The following CDH20 variants were observed in gnomAD, a reference collection of about 807,000 sequenced individuals.
The protein encoded by CDH20 is cadherin-20.
A neutral mutation model predicts 74.2 loss-of-function variants in CDH20; 29 were observed. The ratio of observed to expected loss-of-function variants is 0.39; its 90% CI spans 0.29 to 0.53. The LOEUF is 0.53. Among genes scored for constraint, CDH20 ranks in the 20% least tolerant of loss-of-function variants. The probability of loss-of-function intolerance (pLI) is 0.69; values close to 1 mark genes in which losing one functional copy is unlikely to be tolerated. For synonymous variants in CDH20, 469 were observed against 405.4 expected (o/e 1.16, Z -1.88); for missense variants, 988 against 1,048.3 (o/e 0.94, Z 0.79).
intron 1 of CDH20, among the ~76,000 whole-genome samples, chr18:61,460,645 C>T (rs1036486165): frequency 2.0e-5 from 3 of 152,160 alleles, no homozygotes; most frequent in African/African-American, 4.8e-5. Flanking sequence ...GGTAGCACCA[C>T]CATCTTTCCC....
chr18:61,396,367 T>C (rs1911977643), intron 1 of CDH20, among the ~76,000 whole-genome samples: 1 of 152,182 alleles, frequency 6.6e-6, no homozygotes, highest in Non-Finnish European at 1.5e-5. Flanking sequence ...AAATTAACAA[T>C]TTTTTAAAAC....
chr18:61,361,208 G>A (rs1349191631), intron 1 of CDH20, among the ~76,000 whole-genome samples: 1 of 152,166 alleles, frequency 6.6e-6, no homozygotes, highest in Admixed American at 6.5e-5. Context: ...CTGCGTGGTG[G>A]TAACAGAGCT....
intron 1 of CDH20, among the ~76,000 whole-genome samples, chr18:61,406,935 A>G (rs1912349329): frequency 6.6e-6 from 1 of 152,246 alleles, no homozygotes; most frequent in Non-Finnish European, 1.5e-5. Context: ...GCATTGAATA[A>G]GAATATGATA....
chr18:61,488,671 G>GT (rs1910852354), intron 1 of CDH20, among the ~76,000 whole-genome samples: 1 of 151,936 alleles, frequency 6.6e-6, no homozygotes, highest in Non-Finnish European at 1.5e-5. Flanking sequence ...ACAGAATATT[G>GT]CTTTTATGGT....
At chr18:61,482,847 T>C (rs1299213534) in intron 1 of CDH20, among the ~76,000 whole-genome samples, 1 of 152,158 alleles carries the variant, frequency 6.6e-6, no homozygotes, top group Non-Finnish European at 1.5e-5. Context: ...CTATGAACTA[T>C]GGAGTATATT....
At chr18:61,410,571 T>C (rs1279997908) in intron 1 of CDH20, among the ~76,000 whole-genome samples, 2 of 152,170 alleles carry the variant, frequency 1.3e-5, no homozygotes, top group African/African-American at 4.8e-5. Flanking sequence ...AAGGCTATAA[T>C]AATTAAAAGA....
chr18:61,500,434 G>A lies in CDH20; in HGVS notation c.593G>A (p.Gly198Asp). The A allele has an allele frequency of 6.2e-7, 1 of 1,613,072 alleles. No individual in the cohort carries two copies. The highest frequency in any genetic ancestry group is 1.1e-5 in the South Asian group (1 of 90,900). ...ACAGATGCAGATGACCCGACCTACGGCAACAGTGCCAGGGTGGTGTACAGC... is the reference window on the plus strand; with the variant it reads ...ACAGATGCAGATGACCCGACCTACGACAACAGTGCCAGGGTGGTGTACAGC... ...TATDADDPTY[G>D]NSARVVYSIL... The change falls in exon 4 of 12, where the codon GGC becomes GAC. Residue 198 changes from glycine (G) to aspartate (D), a missense_variant. This residue lies in a region of CDH20 where 613 missense variants were observed against 755.2 expected (regional missense o/e 0.81). Transcript: ENST00000262717.
At chr18:61,351,447 A>G (rs1329459767) in intron 1 of CDH20, among the ~76,000 whole-genome samples, 6 of 152,308 alleles carry the variant, frequency 3.9e-5, no homozygotes, top group Admixed American at 3.3e-4. Flanking sequence ...AGGTTCACTC[A>G]TTTGAAAAGT....
chr18:61,502,081 T>A (rs1911403983), intron 4 of CDH20, among the ~76,000 whole-genome samples: 1 of 152,174 alleles, frequency 6.6e-6, no homozygotes, highest in Admixed American at 6.5e-5. Context: ...ATGCAAAAGG[T>A]CTATCTAGCC....
chr18:61,338,873 A>G (rs1200348502), intron 1 of CDH20, among the ~76,000 whole-genome samples: 1 of 152,204 alleles, frequency 6.6e-6, no homozygotes, highest in Non-Finnish European at 1.5e-5. Context: ...CTTCTTCTTT[A>G]TAGTTCTACA....
chr18:61,429,896 G>A (rs1287823073), intron 1 of CDH20, among the ~76,000 whole-genome samples: 2 of 152,046 alleles, frequency 1.3e-5, no homozygotes, highest in Non-Finnish European at 2.9e-5. Flanking sequence ...CTTTGTAGTG[G>A]GTACTCTGAA....
At chr18:61,515,361 G>A (rs1009471784) in intron 6 of CDH20, among the ~76,000 whole-genome samples, 340 of 151,978 alleles carry the variant, frequency 2.2e-3, no homozygotes, top group Non-Finnish European at 3.4e-3. Flanking sequence ...GCTTCGGCTC[G>A]CGCACGGTGC....
rs965794444 is a variant in CDH20 at position 61,353,733 on chromosome 18, C to G, written c.-153+19906C>G. ...CCTGCACTAGCCAATACAGCAGCTA[C>G]TAACTACACAAGGACGTTCAGCTTT... On this transcript the variant is annotated intron_variant, in intron 1 of 11. Coordinates refer to ENST00000262717, the MANE Select transcript of CDH20 (RefSeq NM_031891.4). This position sits in a 1 kb window ranked among gnomAD's most constrained non-coding sequence, Gnocchi z 4.6. Among the ~76,000 whole-genome samples, 3 of 152,134 alleles carry G rather than the reference C, an allele frequency of 2.0e-5. No homozygotes were observed. Among genetic ancestry groups the G allele is most frequent in the Non-Finnish European group, 4.4e-5 (3 of 68,038 alleles).
chr18:61,445,647 C>A, intron 1 of CDH20, among the ~76,000 whole-genome samples: 1 of 152,220 alleles, frequency 6.6e-6, no homozygotes, highest in East Asian at 1.9e-4. Context: ...GCTCTTTGGA[C>A]AACCACACTG....
chr18:61,514,530 C>T (rs1410352204), intron 6 of CDH20, among the ~76,000 whole-genome samples: 1 of 151,940 alleles, frequency 6.6e-6, no homozygotes, highest in Non-Finnish European at 1.5e-5. Flanking sequence ...CAGCTTTGTT[C>T]CGTTGCTGGT....
At chr18:61,521,944 A>G (rs1343238626) in intron 6 of CDH20, among the ~76,000 whole-genome samples, 4 of 152,208 alleles carry the variant, frequency 2.6e-5, no homozygotes, top group Non-Finnish European at 5.9e-5. Flanking sequence ...TATTTATGAC[A>G]AACCCACAGC....
At chr18:61,541,877 T>C (rs1913053574) in intron 9 of CDH20, among the ~76,000 whole-genome samples, 1 of 152,120 alleles carries the variant, frequency 6.6e-6, no homozygotes, top group Non-Finnish European at 1.5e-5. Flanking sequence ...CTGAGCAGAA[T>C]ATTGCACGAC....
In CDH20 at chr18:61,475,078, G is replaced by T. The variant is rs572419187; in HGVS notation, c.-152-15324G>T. 2.0e-5 allele frequency among the ~76,000 whole-genome samples: 3 copies of T among 152,226 alleles called. No individual in the cohort carries two copies. In the South Asian group the frequency reaches 6.2e-4, roughly 32 times the overall value. ...GAGGATCCATTAGAGACGTTTAGCA[G>T]GTGAGTGGTCCGATAAGATCACTCT... On this transcript the variant is annotated intron_variant, in intron 1 of 11. Transcript: ENST00000262717.
chr18:61,440,303 G>A (rs529951352), intron 1 of CDH20, among the ~76,000 whole-genome samples: 9 of 152,222 alleles, frequency 5.9e-5, no homozygotes, highest in African/African-American at 1.4e-4. Flanking sequence ...CTGCTATCAT[G>A]AGAGACATGG....
Sources: gnomAD v4.1 joint callset for allele counts (sites outside exome capture counted in the v4.1 genomes callset) on GRCh38, gnomAD v4.1.1 for gene constraint, gnomAD v4.1.1 regional missense constraint, Gnocchi (gnomAD v3.1) non-coding constraint, MANE v1.5 for transcripts, NCBI Gene and HGNC (gene_info 2026-07-23, HGNC 2026-07-21) for gene names.